ZNF341: variants seen among roughly 807,000 people sequenced by gnomAD.
ZNF341 encodes the protein zinc finger protein 341.
A neutral mutation model predicts 87.7 loss-of-function variants in ZNF341; 52 were observed. The observed-to-expected ratio is 0.59, with a 90% confidence interval of 0.47 to 0.75. The LOEUF (loss-of-function observed/expected upper bound fraction) is 0.75, where lower values mean the gene tolerates loss of function less well. ZNF341 is among the 30% of genes least tolerant of loss of function. The probability of loss-of-function intolerance (pLI) is 0.00; values close to 1 mark genes in which losing one functional copy is unlikely to be tolerated. For synonymous variants in ZNF341, 459 were observed against 472.7 expected (o/e 0.97, Z 0.38); for missense variants, 977 against 1,145.9 (o/e 0.85, Z 2.13).
chr20:33,782,085 G>C (rs182152647), intron 11 of ZNF341, among the ~76,000 whole-genome samples: 3 of 152,274 alleles, frequency 2.0e-5, no homozygotes, highest in African/African-American at 7.2e-5. Context: ...TGGGATTACA[G>C]GTATGAGCCA....
rs1458196329 is a variant in ZNF341 at position 33,792,176 on chromosome 20, T to G, written c.*659T>G. On this transcript the variant is annotated 3_prime_UTR_variant, in exon 15 of 15. Coordinates refer to ENST00000375200, the MANE Select transcript of ZNF341 (RefSeq NM_001282933.2). ...TTACGATACTACTACCTCATAGGGT[T>G]GTCCTGGGGATCCAGTATGATGAAG... 6.6e-6 allele frequency: 1 copy of G among 152,344 alleles called. No individual in the cohort carries two copies. The highest frequency in any genetic ancestry group is 1.5e-5 in the Non-Finnish European group (1 of 68,132). 9.4% of individuals were successfully genotyped at this position (152,344 alleles called of 1,614,324 possible).
chr20:33,789,669 A>C (rs2019956320), intron 14 of ZNF341, 81 bp downstream of exon 14: 1 of 1,476,026 alleles, frequency 6.8e-7, no homozygotes, highest in African/African-American at 1.4e-5. Flanking sequence ...GAGAAAGAGC[A>C]GACATATCCT....
chr20:33,760,325 C>T (rs979789148), intron 7 of ZNF341, among the ~76,000 whole-genome samples: 1 of 152,046 alleles, frequency 6.6e-6, no homozygotes, highest in African/African-American at 2.4e-5. Flanking sequence ...ATCCCTTGAA[C>T]CCAGGAGGCA....
intron 13 of ZNF341, 73 bp from the exon 14 acceptor site, chr20:33,789,445 G>A (rs571391403): frequency 2.0e-5 from 30 of 1,510,850 alleles, no homozygotes; most frequent in Admixed American, 8.4e-5. Flanking sequence ...CTTGTGCCCA[G>A]GGCTAGTGGA....
At chr20:33,767,174 G>C (rs1441718571) in intron 9 of ZNF341, 133 bp downstream of exon 9, 21 of 1,104,032 alleles carry the variant, frequency 1.9e-5, no homozygotes, top group Non-Finnish European at 2.7e-5. Flanking sequence ...TTCCCCCCGG[G>C]TTAGATTCCG....
chr20:33,787,245 G>A (rs2019887353), intron 12 of ZNF341: 3 of 150,964 alleles, frequency 2.0e-5, no homozygotes, highest in Non-Finnish European at 3.0e-5. Flanking sequence ...TTTTTTTGTT[G>A]GAGCTTACAT....
chr20:33,783,968 T>G, intron 12 of ZNF341, 104 bp downstream of exon 12: 2 of 1,150,078 alleles, frequency 1.7e-6, no homozygotes, highest in Non-Finnish European at 2.4e-6. Context: ...CTCTTCTCCC[T>G]GTCTCCCTCA....
intron 10 of ZNF341, among the ~76,000 whole-genome samples, chr20:33,771,971 C>T (rs891628460): frequency 2.8e-5 from 4 of 140,972 alleles, no homozygotes; most frequent in African/African-American, 5.4e-5. Flanking sequence ...GCCATCATCG[C>T]GCCACTGCAC....
At chr20:33,767,961 G>A (rs576210895) in intron 9 of ZNF341, among the ~76,000 whole-genome samples, 30 of 152,258 alleles carry the variant, frequency 2.0e-4, no homozygotes, top group African/African-American at 6.7e-4. Flanking sequence ...TACATCAAAT[G>A]TGTATTCCAG....
chr20:33,745,706 A>G (rs959774150), intron 3 of ZNF341, among the ~76,000 whole-genome samples: 1 of 152,160 alleles, frequency 6.6e-6, no homozygotes, highest in African/African-American at 2.4e-5. Context: ...AACATACCAG[A>G]TAGACCTAAG....
At chr20:33,769,708 C>T (rs919873870) in intron 9 of ZNF341, among the ~76,000 whole-genome samples, 1 of 152,186 alleles carries the variant, frequency 6.6e-6, no homozygotes, top group African/African-American at 2.4e-5. Flanking sequence ...GTCAGGAGTT[C>T]GAGACCAGCC....
chr20:33,751,724 A>G (rs1258832541), intron 4 of ZNF341, among the ~76,000 whole-genome samples: 1 of 151,940 alleles, frequency 6.6e-6, no homozygotes, highest in East Asian at 1.9e-4. Flanking sequence ...ACAGGTGTGC[A>G]CCACTATGCC....
At chr20:33,768,786 TAGA>T (rs146066613) in intron 9 of ZNF341, among the ~76,000 whole-genome samples, 2,460 of 152,260 alleles carry the variant, frequency 0.016, 60 homozygotes, top group African/African-American at 0.057. Context: ...CTTTTTTAGG[TAGA>T]AGGAGTGCAT....
At chr20:33,764,561 A>ATATATATTT (rs1266929824) in intron 8 of ZNF341, among the ~76,000 whole-genome samples, 10 of 28,412 alleles carry the variant, frequency 3.5e-4, no homozygotes, top group Admixed American at 1.2e-3. Context: ...ATATATATAT[A>ATATATATTT]TTTTTTTTTT....
At chr20:33,762,413 C>T (rs78321778) in intron 8 of ZNF341, among the ~76,000 whole-genome samples, 5,212 of 150,462 alleles carry the variant, frequency 0.035, 277 homozygotes, top group African/African-American at 0.12. Context: ...TCATGGAAAG[C>T]AAAACTGCAA....
Position 33,783,585 on chromosome 20 carries a change from G to A in ZNF341, c.1720-147G>A. 9.9e-6 allele frequency: 11 copies of A among 1,108,034 alleles called. No individual in the cohort carries two copies. In the South Asian group the frequency reaches 1.2e-4, roughly 12 times the overall value. 68.6% of individuals were successfully genotyped at this position (1,108,034 alleles called of 1,614,324 possible). A position where few individuals can be genotyped will look rare whatever the true frequency, so the allele number is the denominator to read the frequency against. On this transcript the variant is annotated intron_variant, in intron 11 of 14. Transcript: ENST00000375200. ...GGGGAGCCATGAAGTTCTAAGGGCT[G>A]AGTCTGACATTCTGGGTCCTGGCCC...
chr20:33,791,211 C>G lies in ZNF341; in HGVS notation c.2259C>G (p.Pro753=). 1 of 1,612,448 alleles carries G rather than the reference C, an allele frequency of 6.2e-7. No individual in the cohort carries two copies. The highest frequency in any genetic ancestry group is 1.3e-5 in the African/African-American group (1 of 75,062). ...GGCCCCCCCAGAGGAGGGCAGCCCC[C>G]CGCAGTTGCGGCAGTGGTGGGCGCA... ...TRRPPQRRAA[P]RSCGSGGRKV... The change falls in exon 15 of 15, where the codon CCC becomes CCG. Residue 753 remains proline (P), a synonymous_variant. Transcript: ENST00000375200.
chr20:33,770,963 A>G (rs1443757407), intron 10 of ZNF341, among the ~76,000 whole-genome samples: 1 of 152,040 alleles, frequency 6.6e-6, no homozygotes, highest in Non-Finnish European at 1.5e-5. Context: ...TACTAAAAAT[A>G]CAAAAAAAAT....
intron 1 of ZNF341, among the ~76,000 whole-genome samples, chr20:33,734,488 CA>C (rs1421838512): frequency 4.6e-5 from 7 of 151,890 alleles, no homozygotes; most frequent in African/African-American, 1.7e-4. Context: ...GATGGAAAGA[CA>C]GTTTATTTGA....
Sources: gnomAD v4.1 joint callset for allele counts (sites outside exome capture counted in the v4.1 genomes callset) on GRCh38, gnomAD v4.1.1 for gene constraint, MANE v1.5 for transcripts, NCBI Gene and HGNC (gene_info 2026-07-23, HGNC 2026-07-21) for gene names.